The following ATP8A2 variants were observed in gnomAD, a reference collection of about 807,000 sequenced individuals.
ATP8A2 encodes ATPase phospholipid transporting 8A2.
Under a neutral mutation model 165.6 loss-of-function variants are expected in ATP8A2, and 100 were observed. The ratio of observed to expected loss-of-function variants is 0.60; its 90% confidence interval spans 0.51 to 0.71. The LOEUF (loss-of-function observed/expected upper bound fraction) is 0.71. Ranked by LOEUF, ATP8A2 falls within the 30% of genes least tolerant of loss-of-function variation. The pLI is 0.00. For synonymous variants in ATP8A2, 543 were observed against 548.8 expected (o/e 0.99, Z 0.15); for missense variants, 1,227 against 1,479.5 (o/e 0.83, Z 2.80).
At chr13:25,908,632 T>A (rs568034505) in intron 33 of ATP8A2, among the ~76,000 whole-genome samples, 1 of 152,346 alleles carries the variant, frequency 6.6e-6, no homozygotes, top group South Asian at 2.1e-4. Flanking sequence ...ACTTCAGGCT[T>A]CACTTGGTTC....
chr13:25,763,334 G>A lies in ATP8A2; in HGVS notation c.2385-5712G>A, dbSNP rs943163482. ...CATTCTTTGAAATAAAAACTGAACTGCTCTCACCTTTCCTTCGTTGTTGCA... is the reference window on the plus strand; with the variant it reads ...CATTCTTTGAAATAAAAACTGAACTACTCTCACCTTTCCTTCGTTGTTGCA... On this transcript the variant is annotated intron_variant, in intron 25 of 36. Coordinates refer to ENST00000381655, the MANE Select transcript of ATP8A2 (RefSeq NM_016529.6). 2.0e-5 allele frequency among the ~76,000 whole-genome samples: 3 copies of A among 152,184 alleles called. No homozygotes were observed. In the Middle Eastern group the frequency reaches 0.01, roughly 518 times the overall value.
At chr13:25,742,678 TGTC>T (rs1315106159) in intron 25 of ATP8A2, among the ~76,000 whole-genome samples, 2,325 of 95,974 alleles carry the variant, frequency 0.024, 35 homozygotes, top group African/African-American at 0.053. Context: ...TCTCTCTCTC[TGTC>T]TTTTTTTTTT....
Position 26,023,127 on chromosome 13 carries a change from C to G in ATP8A2, c.*3142C>G, listed in dbSNP as rs918934754. The G allele has an allele frequency of 6.6e-6, 1 of 152,140 alleles. No homozygotes were observed. Among genetic ancestry groups the G allele is most frequent in the South Asian group, 2.1e-4 (1 of 4,826 alleles). 9.4% of individuals were successfully genotyped at this position (152,140 alleles called of 1,614,324 possible). A position where few individuals can be genotyped will look rare whatever the true frequency, so the allele number is the denominator to read the frequency against. ...TACTCTGTGCTGATCAGAACGGGCT[C>G]GGTCATAATTTAGGAGTGGAGCTGA... On this transcript the variant is annotated 3_prime_UTR_variant, in exon 37 of 37. Transcript: ENST00000381655.
Position 25,372,815 on chromosome 13 carries a change from G to C in ATP8A2, c.76+527G>C, listed in dbSNP as rs1249680278. Among the ~76,000 whole-genome samples the C allele has an allele frequency of 6.6e-6, 1 of 152,206 alleles. No homozygotes were observed. The highest frequency in any genetic ancestry group is 1.5e-5 in the Non-Finnish European group (1 of 68,032). On this transcript the variant is annotated intron_variant, in intron 1 of 36. Coordinates refer to ENST00000381655, the MANE Select transcript of ATP8A2 (RefSeq NM_016529.6). The surrounding 1 kb of genome is among the most constrained non-coding windows in gnomAD (Gnocchi z 4.8). ...GTCCTCGCGCGCTCACAGCGGCGACGTACTGGCTCATAACCATCCGTGCAT... is the reference window on the plus strand; with the variant it reads ...GTCCTCGCGCGCTCACAGCGGCGACCTACTGGCTCATAACCATCCGTGCAT...
intron 33 of ATP8A2, among the ~76,000 whole-genome samples, chr13:25,932,572 C>T (rs1954795833): frequency 6.6e-6 from 1 of 152,112 alleles, no homozygotes; most frequent in Admixed American, 6.5e-5. Context: ...TGCTTGTGAG[C>T]CTTGGGAGGC....
chr13:25,455,474 T>A (rs2035341684), intron 1 of ATP8A2, among the ~76,000 whole-genome samples: 1 of 152,250 alleles, frequency 6.6e-6, no homozygotes, highest in South Asian at 2.1e-4. Context: ...TAATACCTTA[T>A]CTTCATGGAA....
chr13:25,786,899 G>A (rs1273559650), intron 27 of ATP8A2, among the ~76,000 whole-genome samples: 1 of 151,964 alleles, frequency 6.6e-6, no homozygotes, highest in African/African-American at 2.4e-5. Flanking sequence ...GGGATTACAG[G>A]TGTCCACCAC....
At chr13:25,882,928 GAT>G in intron 33 of ATP8A2, among the ~76,000 whole-genome samples, 2 of 151,660 alleles carry the variant, frequency 1.3e-5, no homozygotes, top group Admixed American at 6.6e-5. Flanking sequence ...TGATGATGAT[GAT>G]GATGATGATG....
chr13:25,747,290 C>T (rs931754583), intron 25 of ATP8A2, among the ~76,000 whole-genome samples: 5 of 152,212 alleles, frequency 3.3e-5, no homozygotes, highest in African/African-American at 1.2e-4. Flanking sequence ...GCCTCATCTG[C>T]CGTGCTCCTT....
rs1246479961 is a variant in ATP8A2, at chr13:25,860,790, T to G, written c.3019-14T>G. On this transcript the variant is annotated splice_polypyrimidine_tract_variant and intron_variant, in intron 31 of 36. Transcript: ENST00000381655. Reference sequence around the variant, plus strand: ...GAGAATAATGTGTTTCCAAACTGTCTTTTATTTTCACAGTATGTTGTTGTT... The same window carrying G: ...GAGAATAATGTGTTTCCAAACTGTCGTTTATTTTCACAGTATGTTGTTGTT... 3 of 1,583,324 alleles carry G rather than the reference T, an allele frequency of 1.9e-6. No homozygotes were observed. The Admixed American group carries it at 5.2e-5, about 28-fold the overall frequency.
chr13:25,490,761 TTTTTTG>T (rs2036505897), intron 2 of ATP8A2, among the ~76,000 whole-genome samples: 1 of 151,938 alleles, frequency 6.6e-6, no homozygotes, highest in African/African-American at 2.4e-5. Flanking sequence ...TTGTTTTTTG[TTTTTTG>T]TTTTTTTTGG....
chr13:26,013,539 C>A (rs912371798), intron 36 of ATP8A2, among the ~76,000 whole-genome samples: 3 of 152,002 alleles, frequency 2.0e-5, no homozygotes, highest in Non-Finnish European at 2.9e-5. Context: ...CTGGGCGTGA[C>A]GGCACATGCC....
intron 1 of ATP8A2, among the ~76,000 whole-genome samples, chr13:25,464,796 A>G (rs183167471): frequency 2.2e-4 from 33 of 152,320 alleles, no homozygotes; most frequent in South Asian, 6.2e-4. Flanking sequence ...CACCTACTAC[A>G]TTAGCCTCTT....
Position 25,480,458 on chromosome 13 carries a change from C to T in ATP8A2, c.221+11337C>T, listed in dbSNP as rs1357323021. 2.1e-3 allele frequency among the ~76,000 whole-genome samples: 311 copies of T among 148,768 alleles called. 1 individual carries two copies. Among genetic ancestry groups the T allele is most frequent in the Non-Finnish European group, 3.2e-3 (214 of 67,192 alleles). ...CTCAGATGGGGCGGCTGGGCAGAGACGCTCCTCACCTCCCAGACGGGGTCG... is the reference window on the plus strand; with the variant it reads ...CTCAGATGGGGCGGCTGGGCAGAGATGCTCCTCACCTCCCAGACGGGGTCG... On this transcript the variant is annotated intron_variant, in intron 2 of 36. Transcript: ENST00000381655.
At chr13:25,970,419 C>T (rs1360095413) in intron 35 of ATP8A2, among the ~76,000 whole-genome samples, 1 of 152,206 alleles carries the variant, frequency 6.6e-6, no homozygotes, top group Non-Finnish European at 1.5e-5. Context: ...GACAGAACTG[C>T]TGAGAGTCTG....
At chr13:25,746,351 T>C (rs2044031724) in intron 25 of ATP8A2, among the ~76,000 whole-genome samples, 1 of 152,232 alleles carries the variant, frequency 6.6e-6, no homozygotes, top group Non-Finnish European at 1.5e-5. Flanking sequence ...TGGCAAGGGC[T>C]GTGCATCTCA....
intron 33 of ATP8A2, among the ~76,000 whole-genome samples, chr13:25,932,877 C>T (rs1486872452): frequency 2.0e-5 from 3 of 152,142 alleles, no homozygotes; most frequent in African/African-American, 4.8e-5. Context: ...GACGGAGTCT[C>T]ACTCTGTCAC....
At position 25,388,606 on chromosome 13, in the gene ATP8A2, A is replaced by T. The variant is rs560573404; in HGVS notation, c.76+16318A>T. 1.9e-4 allele frequency among the ~76,000 whole-genome samples: 29 copies of T among 152,330 alleles called. No individual in the cohort carries two copies. In the South Asian group the frequency reaches 6.0e-3, roughly 32 times the overall value. ...CAGTGCTTTTCTATACAATGTCTGT[A>T]ATCTATAGATAACATAACCGATCAG... is the stretch of plus-strand genomic sequence containing the variant. On this transcript the variant is annotated intron_variant, in intron 1 of 36. Transcript: ENST00000381655.
intron 2 of ATP8A2, among the ~76,000 whole-genome samples, chr13:25,505,039 G>A (rs2036987381): frequency 6.6e-6 from 1 of 152,090 alleles, no homozygotes; most frequent in Admixed American, 6.5e-5. Flanking sequence ...TCTTTCTTAT[G>A]TGAGATATCT....
Sources: allele counts gnomAD v4.1 joint callset (sites outside exome capture counted in the v4.1 genomes callset), GRCh38; gene constraint gnomAD v4.1.1; non-coding constraint Gnocchi (gnomAD v3.1); transcripts MANE v1.5; gene names NCBI Gene and HGNC (gene_info 2026-07-23, HGNC 2026-07-21).